The following RPS6KA2 variants were observed in gnomAD, a reference collection of about 807,000 sequenced individuals.
RPS6KA2 encodes the protein ribosomal protein S6 kinase A2.
In RPS6KA2, 42 loss-of-function variants were observed where a neutral mutation model predicts 91.8. The observed-to-expected ratio is 0.46, with a 90% confidence interval of 0.36 to 0.59. The LOEUF is 0.59. Among genes scored for constraint, RPS6KA2 ranks in the 20% least tolerant of loss-of-function variants. RPS6KA2 has a pLI of 0.00. For synonymous variants in RPS6KA2, 414 were observed against 393.6 expected (o/e 1.05, Z -0.61); for missense variants, 798 against 978.5 (o/e 0.82, Z 2.46).
intron 2 of RPS6KA2, among the ~76,000 whole-genome samples, chr6:166,841,768 G>C (rs1050566854): frequency 1.1e-4 from 17 of 152,216 alleles, no homozygotes; most frequent in Admixed American, 9.8e-4. Context: ...TGGTATGACG[G>C]TAACACCCCG....
chr6:166,741,663 C>T (rs572864330), intron 2 of RPS6KA2, among the ~76,000 whole-genome samples: 1 of 152,300 alleles, frequency 6.6e-6, no homozygotes, highest in East Asian at 1.9e-4. Context: ...AGCAGTCATA[C>T]CCAATGGGTG....
intron 1 of RPS6KA2, among the ~76,000 whole-genome samples, chr6:166,619,593 G>C (rs201102684): frequency 2.6e-5 from 4 of 152,212 alleles, no homozygotes; most frequent in Non-Finnish European, 4.4e-5. Context: ...CTTAAGGCTC[G>C]TGGAGGGCCT....
At chr6:166,617,947 C>G (rs1028134998) in intron 1 of RPS6KA2, among the ~76,000 whole-genome samples, 1 of 152,230 alleles carries the variant, frequency 6.6e-6, no homozygotes, top group Non-Finnish European at 1.5e-5. Flanking sequence ...AATTCACACA[C>G]AGCAAAGAAG....
At chr6:166,681,757 G>A (rs1352154879) in intron 2 of RPS6KA2, among the ~76,000 whole-genome samples, 1 of 125,746 alleles carries the variant, frequency 8.0e-6, no homozygotes, top group African/African-American at 3.5e-5. Context: ...GAAAAGTCCT[G>A]TCTTGACCCT....
chr6:166,431,050 C>G (rs935063571), intron 15 of RPS6KA2, among the ~76,000 whole-genome samples: 5 of 152,184 alleles, frequency 3.3e-5, no homozygotes, highest in Admixed American at 3.3e-4. Flanking sequence ...GCCTTAGCCT[C>G]CCGAGTAGCT....
chr6:166,704,246 T>C (rs1293286731), intron 2 of RPS6KA2, among the ~76,000 whole-genome samples: 1 of 152,228 alleles, frequency 6.6e-6, no homozygotes, highest in African/African-American at 2.4e-5. Context: ...ATGCAGTATG[T>C]AGCCAAGGTG....
At chr6:166,502,076 T>C in intron 6 of RPS6KA2, among the ~76,000 whole-genome samples, 1 of 152,176 alleles carries the variant, frequency 6.6e-6, no homozygotes, top group East Asian at 1.9e-4. Context: ...GGAGCTACTG[T>C]GCAGGGGGAC....
At chr6:166,465,050 G>T (rs1780468883) in intron 11 of RPS6KA2, among the ~76,000 whole-genome samples, 1 of 152,228 alleles carries the variant, frequency 6.6e-6, no homozygotes, top group Non-Finnish European at 1.5e-5. Flanking sequence ...ATCACAGAGA[G>T]CAGCAGAAAG....
intron 1 of RPS6KA2, among the ~76,000 whole-genome samples, chr6:166,593,778 C>T (rs1301646444): frequency 6.6e-6 from 1 of 152,126 alleles, no homozygotes; most frequent in African/African-American, 2.4e-5. Flanking sequence ...TTAACACAAT[C>T]AATAAACATA....
Position 166,500,995 on chromosome 6 carries a change from G to C in RPS6KA2, c.567-71C>G, listed in dbSNP as rs1353831814. 1.4e-6 allele frequency: 2 copies of C among 1,446,986 alleles called. No individual in the cohort carries two copies. The highest frequency in any genetic ancestry group is 2.8e-5 in the African/African-American group (2 of 71,540). 89.6% of individuals were successfully genotyped at this position (1,446,986 alleles called of 1,614,324 possible). On this transcript the variant is annotated intron_variant, in intron 6 of 20. Transcript: ENST00000265678. This position sits in a 1 kb window ranked among gnomAD's most constrained non-coding sequence, Gnocchi z 4.3. ...CCTGCCGACGGGCACGCAGAGCTCAGAGGAGAGCTGCGGGGCAGCTGGGGG... is the reference window on the plus strand; with the variant it reads ...CCTGCCGACGGGCACGCAGAGCTCACAGGAGAGCTGCGGGGCAGCTGGGGG...
chr6:166,642,611 T>C (rs1370181170), intron 2 of RPS6KA2, among the ~76,000 whole-genome samples: 1 of 152,226 alleles, frequency 6.6e-6, no homozygotes, highest in Admixed American at 6.5e-5. Context: ...GCATACATGC[T>C]AAAGTTTCCA....
Position 166,508,506 on chromosome 6 carries a change from G to T in RPS6KA2, c.380-224C>A, listed in dbSNP as rs1782347060. Among the ~76,000 whole-genome samples the T allele has an allele frequency of 1.3e-5, 2 of 152,206 alleles. No individual in the cohort carries two copies. The highest frequency in any genetic ancestry group is 1.3e-4 in the Admixed American group (2 of 15,300). On this transcript the variant is annotated intron_variant, in intron 4 of 20. Coordinates refer to ENST00000265678, the MANE Select transcript of RPS6KA2 (RefSeq NM_021135.6). The surrounding 1 kb of genome is among the most constrained non-coding windows in gnomAD (Gnocchi z 4.3). Reference sequence around the variant, plus strand: ...TCTCACTGTCGTTAGGGGGCCTTGAGATTTCTTTCATCTTTCTTTCCTCTC... The same window carrying T: ...TCTCACTGTCGTTAGGGGGCCTTGATATTTCTTTCATCTTTCTTTCCTCTC...
intron 1 of RPS6KA2, among the ~76,000 whole-genome samples, chr6:166,609,780 G>A (rs1268839486): frequency 3.3e-5 from 5 of 152,236 alleles, no homozygotes; most frequent in African/African-American, 9.6e-5. Flanking sequence ...GATTACAGGC[G>A]TGAGCCACCG....
At chr6:166,842,113 C>T (rs1486001629) in intron 2 of RPS6KA2, among the ~76,000 whole-genome samples, 3 of 152,130 alleles carry the variant, frequency 2.0e-5, no homozygotes, top group African/African-American at 7.2e-5. Flanking sequence ...GGCTCATGCC[C>T]CAAAAAGCAG....
intron 2 of RPS6KA2, among the ~76,000 whole-genome samples, chr6:166,725,122 A>C (rs569104149): frequency 2.0e-5 from 3 of 152,330 alleles, no homozygotes; most frequent in African/African-American, 7.2e-5. Context: ...ATATTCAAAT[A>C]GACTTTTTCT....
At chr6:166,460,397 G>T (rs1047666548) in intron 11 of RPS6KA2, among the ~76,000 whole-genome samples, 2 of 152,226 alleles carry the variant, frequency 1.3e-5, no homozygotes, top group African/African-American at 2.4e-5. Context: ...ACAGGTACCT[G>T]GAACCTGGCG....
chr6:166,804,275 G>A (rs1255799916), intron 2 of RPS6KA2, among the ~76,000 whole-genome samples: 1 of 151,108 alleles, frequency 6.6e-6, no homozygotes, highest in Non-Finnish European at 1.5e-5. Context: ...AATGAGAGGT[G>A]TAGGCATTAT....
At chr6:166,615,210 A>G (rs1786359910) in intron 1 of RPS6KA2, among the ~76,000 whole-genome samples, 1 of 152,206 alleles carries the variant, frequency 6.6e-6, no homozygotes, top group Non-Finnish European at 1.5e-5. Flanking sequence ...CAGCTGACTC[A>G]TCTGACTGGG....
At chr6:166,573,253 G>A (rs1020294513) in intron 1 of RPS6KA2, among the ~76,000 whole-genome samples, 1 of 152,194 alleles carries the variant, frequency 6.6e-6, no homozygotes, top group Non-Finnish European at 1.5e-5. Flanking sequence ...CAGGGCAGGC[G>A]CTCACCACCT....
Sources: gnomAD v4.1 joint callset for allele counts (sites outside exome capture counted in the v4.1 genomes callset) on GRCh38, gnomAD v4.1.1 for gene constraint, Gnocchi (gnomAD v3.1) non-coding constraint, MANE v1.5 for transcripts, NCBI Gene and HGNC (gene_info 2026-07-23, HGNC 2026-07-21) for gene names.